ASIC2: variants seen among roughly 807,000 people sequenced by gnomAD.
ASIC2 encodes the protein acid sensing ion channel subunit 2, also known as acid-sensing ion channel 2.
Under a neutral mutation model 57.3 loss-of-function variants are expected in ASIC2, and 25 were observed. The ratio of observed to expected loss-of-function variants is 0.44; its 90% CI spans 0.32 to 0.61. ASIC2 has a LOEUF of 0.61. ASIC2 is among the 20% of genes least tolerant of loss of function. ASIC2 has a pLI of 0.06. For missense variants in ASIC2, 641 were observed against 738.1 expected (o/e 0.87, Z 1.52); for synonymous variants, 319 against 307.5 (o/e 1.04, Z -0.39).
intron 1 of ASIC2, among the ~76,000 whole-genome samples, chr17:33,902,518 G>T (rs7501817): frequency 0.11 from 16,866 of 152,210 alleles, 1,083 homozygotes; most frequent in South Asian, 0.2. Flanking sequence ...GCACTGTGGT[G>T]GACAGCGATG....
intron 1 of ASIC2, among the ~76,000 whole-genome samples, chr17:33,339,946 C>T (rs1360970596): frequency 6.6e-6 from 1 of 152,196 alleles, no homozygotes; most frequent in Admixed American, 6.5e-5. Context: ...CTCCCACACA[C>T]CCCTGCATTT....
chr17:33,102,700 C>G (rs534675129), intron 2 of ASIC2, among the ~76,000 whole-genome samples: 1 of 152,194 alleles, frequency 6.6e-6, no homozygotes, highest in African/African-American at 2.4e-5. Context: ...TTAACCTTTT[C>G]GGGAGATGTT....
intron 1 of ASIC2, among the ~76,000 whole-genome samples, chr17:33,252,563 G>C (rs1341492858): frequency 1.3e-5 from 2 of 152,082 alleles, no homozygotes; most frequent in African/African-American, 4.8e-5. Context: ...CGAGCCATAG[G>C]AAGGTGTGTG....
intron 1 of ASIC2, among the ~76,000 whole-genome samples, chr17:33,567,735 G>A (rs540727645): frequency 6.6e-6 from 1 of 152,102 alleles, no homozygotes; most frequent in Non-Finnish European, 1.5e-5. Flanking sequence ...ACTGAGATGG[G>A]AACAAGTGGG....
chr17:33,304,110 G>C (rs1872140701), intron 1 of ASIC2, among the ~76,000 whole-genome samples: 1 of 152,172 alleles, frequency 6.6e-6, no homozygotes, highest in South Asian at 2.1e-4. Flanking sequence ...GGAATGGCCA[G>C]GCAAATGATG....
intron 1 of ASIC2, among the ~76,000 whole-genome samples, chr17:33,194,864 C>T (rs1160215132): frequency 6.6e-6 from 1 of 152,218 alleles, no homozygotes; most frequent in East Asian, 1.9e-4. Context: ...ATCAGTTTCC[C>T]TCACCAGCAC....
intron 1 of ASIC2, among the ~76,000 whole-genome samples, chr17:33,343,983 G>A (rs1350969338): frequency 1.3e-5 from 2 of 152,192 alleles, no homozygotes; most frequent in African/African-American, 2.4e-5. Context: ...CCTCCTCTTC[G>A]AAGCCTTCCC....
intron 1 of ASIC2, among the ~76,000 whole-genome samples, chr17:33,617,192 A>G (rs1164677529): frequency 6.6e-6 from 1 of 152,246 alleles, no homozygotes; most frequent in African/African-American, 2.4e-5. Context: ...TAATTGTTCT[A>G]CCATAAAGAC....
intron 1 of ASIC2, among the ~76,000 whole-genome samples, chr17:33,195,072 C>T (rs948738735): frequency 6.6e-6 from 1 of 152,154 alleles, no homozygotes; most frequent in Admixed American, 6.5e-5. Context: ...AGTCGGGCTC[C>T]TGGCTTGACA....
At chr17:33,373,882 T>C (rs956612926) in intron 1 of ASIC2, among the ~76,000 whole-genome samples, 4 of 152,224 alleles carry the variant, frequency 2.6e-5, no homozygotes, top group African/African-American at 9.7e-5. Flanking sequence ...TTTGCCATGT[T>C]GGCCAGACTG....
intron 1 of ASIC2, among the ~76,000 whole-genome samples, chr17:33,576,134 G>T (rs1916613732): frequency 6.6e-6 from 1 of 152,126 alleles, no homozygotes; most frequent in South Asian, 2.1e-4. Context: ...GCCTAGACCA[G>T]ACTGACCTGC....
chr17:33,622,076 CT>C, intron 1 of ASIC2, among the ~76,000 whole-genome samples: 1 of 151,964 alleles, frequency 6.6e-6, no homozygotes, highest in East Asian at 1.9e-4. Flanking sequence ...ATTTCTCTCC[CT>C]TTCTTCCTTT....
chr17:33,014,077 AG>A lies in ASIC2; in HGVS notation c.1591-12del, dbSNP rs2091793467. ...TGTGTCACAAGTACTCTGGAAGGGAAGGGTTGGTGGGAGTTTATTATTCGCT... is the reference window on the plus strand; with the variant it reads ...TGTGTCACAAGTACTCTGGAAGGGAAGGTTGGTGGGAGTTTATTATTCGCT... On this transcript the variant is annotated splice_polypyrimidine_tract_variant and intron_variant, in intron 9 of 9. Coordinates refer to ENST00000225823, the MANE Select transcript of ASIC2 (RefSeq NM_183377.2). 3.2e-6 allele frequency: 5 copies of A among 1,577,790 alleles called. No individual in the cohort carries two copies. Among genetic ancestry groups the A allele is most frequent in the Non-Finnish European group, 4.3e-6 (5 of 1,158,384 alleles).
chr17:33,130,488 G>A (rs1197942010), intron 1 of ASIC2, among the ~76,000 whole-genome samples: 2 of 152,176 alleles, frequency 1.3e-5, no homozygotes, highest in African/African-American at 2.4e-5. Context: ...TGAAGATGAA[G>A]CAACCACAAA....
At chr17:33,092,733 G>A (rs563410648) in intron 2 of ASIC2, among the ~76,000 whole-genome samples, 2 of 152,370 alleles carry the variant, frequency 1.3e-5, no homozygotes, top group East Asian at 1.9e-4. Flanking sequence ...CACCAGGAGT[G>A]TGGTTTATTT....
intron 3 of ASIC2, among the ~76,000 whole-genome samples, chr17:33,061,750 C>T (rs1204218919): frequency 6.6e-6 from 1 of 152,102 alleles, no homozygotes; most frequent in Non-Finnish European, 1.5e-5. Context: ...CCAGCTCCTC[C>T]TTGTACTCTG....
intron 1 of ASIC2, among the ~76,000 whole-genome samples, chr17:34,016,423 C>CAAAAAAAAAAAAAAA (rs398041640): frequency 2.4e-5 from 1 of 41,464 alleles, no homozygotes; most frequent in African/African-American, 8.3e-5. Flanking sequence ...GACTCCGTCT[C>CAAAAAAAAAAAAAAA]AAAAAAAAAA....
chr17:33,315,545 G>T (rs1906610425), intron 1 of ASIC2, among the ~76,000 whole-genome samples: 1 of 152,154 alleles, frequency 6.6e-6, no homozygotes, highest in Non-Finnish European at 1.5e-5. Flanking sequence ...AACTGAGTTC[G>T]GAGCTTCCTG....
intron 1 of ASIC2, among the ~76,000 whole-genome samples, chr17:34,086,485 T>A (rs1446109574): frequency 6.6e-6 from 1 of 151,924 alleles, no homozygotes; most frequent in African/African-American, 2.4e-5. Context: ...GGAATAGGTG[T>A]GGTGTGGTGC....
Sources: allele counts gnomAD v4.1 joint callset (sites outside exome capture counted in the v4.1 genomes callset), GRCh38; gene constraint gnomAD v4.1.1; transcripts MANE v1.5; gene names NCBI Gene and HGNC (gene_info 2026-07-23, HGNC 2026-07-21).